The following FRMD5 variants were observed in gnomAD, a reference collection of about 807,000 sequenced individuals.
FRMD5 encodes the protein FERM domain containing 5.
A neutral mutation model predicts 69.0 loss-of-function variants in FRMD5; 20 were observed. That is an observed-to-expected ratio of 0.29 (90% CI 0.20 to 0.42). The LOEUF is 0.42. FRMD5 is among the 10% of genes least tolerant of loss of function. FRMD5 has a pLI of 1.00. For synonymous variants in FRMD5, 271 were observed against 260.1 expected (o/e 1.04, Z -0.40); for missense variants, 595 against 708.6 (o/e 0.84, Z 1.82).
chr15:44,120,271 C>T (rs1254074303), intron 1 of FRMD5, among the ~76,000 whole-genome samples: 1 of 152,148 alleles, frequency 6.6e-6, no homozygotes, highest in Non-Finnish European at 1.5e-5. Flanking sequence ...TAGGAAAGAA[C>T]TGTCTAGAGG....
At position 43,914,723 on chromosome 15, in the gene FRMD5, C is replaced by CTTTTTTT. The variant is rs533023960; in HGVS notation, c.329+4729_329+4735dup. Among the ~76,000 whole-genome samples, 669 of 109,342 alleles carry CTTTTTTT rather than the reference C, an allele frequency of 6.1e-3. 134 individuals are homozygous for CTTTTTTT. Among genetic ancestry groups the CTTTTTTT allele is most frequent in the African/African-American group, 0.033 (620 of 18,560 alleles). The allele number at this position is 109,342 out of a possible 152,430, so 71.7% of individuals were successfully genotyped here. A position where few individuals can be genotyped will look rare whatever the true frequency, so the allele number is the denominator to read the frequency against. The stretch of plus-strand genomic sequence containing the variant: ...CCCAGCAACTCTATGAGGTGACTAC[C>CTTTTTTT]TTTTTTTTTTTTTTTTTTTTTGAGA... On this transcript the variant is annotated intron_variant, in intron 4 of 13. Coordinates refer to ENST00000417257, the MANE Select transcript of FRMD5 (RefSeq NM_032892.5).
Position 44,143,734 on chromosome 15 carries a change from G to C in FRMD5, c.102+51219C>G, listed in dbSNP as rs201424282. Among the ~76,000 whole-genome samples, 11 of 151,362 alleles carry C rather than the reference G, an allele frequency of 7.3e-5. No homozygotes were observed. In the East Asian group the frequency reaches 2.1e-3, roughly 29 times the overall value. On this transcript the variant is annotated intron_variant, in intron 1 of 13. Transcript: ENST00000417257. ...AGGCCAGGAGATTGAGACCATCCTGGCTAACGCGGTGAAACCCCGTCTCCA... is the reference window on the plus strand; with the variant it reads ...AGGCCAGGAGATTGAGACCATCCTGCCTAACGCGGTGAAACCCCGTCTCCA...
chr15:44,056,049 C>T (rs1001243670), intron 1 of FRMD5, among the ~76,000 whole-genome samples: 3 of 152,202 alleles, frequency 2.0e-5, no homozygotes, highest in African/African-American at 7.2e-5. Flanking sequence ...ATATGATTCT[C>T]TCTCATCTTC....
intron 1 of FRMD5, among the ~76,000 whole-genome samples, chr15:43,977,484 C>A (rs1243446352): frequency 6.6e-6 from 1 of 152,100 alleles, no homozygotes; most frequent in Admixed American, 6.5e-5. Flanking sequence ...TGAGGTCATT[C>A]ATTGTTGCTA....
At chr15:43,983,759 G>C (rs1412601682) in intron 1 of FRMD5, among the ~76,000 whole-genome samples, 1 of 152,190 alleles carries the variant, frequency 6.6e-6, no homozygotes, top group Non-Finnish European at 1.5e-5. Context: ...TGAAGCAGGA[G>C]AGTACTAAGG....
intron 1 of FRMD5, among the ~76,000 whole-genome samples, chr15:44,109,859 AT>A (rs1045313597): frequency 7.9e-5 from 12 of 152,172 alleles, no homozygotes; most frequent in African/African-American, 2.9e-4. Context: ...TACTGTCTCA[AT>A]AGTTTTTCCT....
intron 1 of FRMD5, among the ~76,000 whole-genome samples, chr15:44,169,111 A>G (rs2077758162): frequency 6.6e-6 from 1 of 152,220 alleles, no homozygotes; most frequent in African/African-American, 2.4e-5. Context: ...TATGCATCTA[A>G]TAAAATACTT....
intron 1 of FRMD5, among the ~76,000 whole-genome samples, chr15:44,121,196 C>T (rs1388337309): frequency 7.4e-6 from 1 of 135,220 alleles, no homozygotes; most frequent in African/African-American, 2.7e-5. Flanking sequence ...TTAACAATGT[C>T]GAATAGTGCA....
chr15:43,944,268 T>C (rs547747835), intron 1 of FRMD5, among the ~76,000 whole-genome samples: 5 of 152,342 alleles, frequency 3.3e-5, no homozygotes, highest in African/African-American at 1.2e-4. Context: ...AGTGGGCTAA[T>C]GTGCTCGGCT....
chr15:43,988,143 C>T (rs754234641), intron 1 of FRMD5, among the ~76,000 whole-genome samples: 8 of 152,118 alleles, frequency 5.3e-5, no homozygotes, highest in Non-Finnish European at 1.0e-4. Context: ...GCTGTAAATA[C>T]AGATGAAGCT....
intron 1 of FRMD5, among the ~76,000 whole-genome samples, chr15:43,979,773 T>C (rs529400372): frequency 6.6e-6 from 1 of 152,220 alleles, no homozygotes; most frequent in African/African-American, 2.4e-5. Context: ...GTGCTTTACT[T>C]TTACCCACTG....
At chr15:43,953,259 A>G (rs2090064859) in intron 1 of FRMD5, among the ~76,000 whole-genome samples, 1 of 152,214 alleles carries the variant, frequency 6.6e-6, no homozygotes, top group Non-Finnish European at 1.5e-5. Context: ...GCAAAACTGC[A>G]CAGATTCTGC....
At chr15:44,043,437 A>G (rs77637044) in intron 1 of FRMD5, among the ~76,000 whole-genome samples, 2 of 152,180 alleles carry the variant, frequency 1.3e-5, no homozygotes, top group African/African-American at 4.8e-5. Context: ...TAACTTTCAT[A>G]TGGAACCAAA....
chr15:43,879,062 C>T lies in FRMD5; in HGVS notation c.1136-4600G>A, dbSNP rs149972918. Among the ~76,000 whole-genome samples, 10 of 151,516 alleles carry T rather than the reference C, an allele frequency of 6.6e-5. No individual in the cohort carries two copies. In the East Asian group the frequency reaches 1.9e-3, roughly 30 times the overall value. Reference sequence around the variant, plus strand: ...AAGTGATTCTCCCACCTCAGCCCTGCGAGTAGCTGGGATTACAGGCGCCCA... The same window carrying T: ...AAGTGATTCTCCCACCTCAGCCCTGTGAGTAGCTGGGATTACAGGCGCCCA... On this transcript the variant is annotated intron_variant, in intron 13 of 13. Transcript: ENST00000417257.
At chr15:44,006,177 G>A (rs1047122260) in intron 1 of FRMD5, among the ~76,000 whole-genome samples, 4 of 152,068 alleles carry the variant, frequency 2.6e-5, no homozygotes, top group African/African-American at 9.7e-5. Context: ...AAAAATCCCA[G>A]GATCTTTAAG....
intron 13 of FRMD5, among the ~76,000 whole-genome samples, chr15:43,881,142 T>C (rs1226740125): frequency 6.6e-6 from 1 of 152,158 alleles, no homozygotes; most frequent in Non-Finnish European, 1.5e-5. Flanking sequence ...TCCTCTCCTG[T>C]TTTACATCCT....
At chr15:44,066,688 G>A (rs974902733) in intron 1 of FRMD5, among the ~76,000 whole-genome samples, 3 of 152,184 alleles carry the variant, frequency 2.0e-5, no homozygotes, top group Non-Finnish European at 4.4e-5. Context: ...AGGCAGGAGA[G>A]TTAGGTGATA....
intron 1 of FRMD5, among the ~76,000 whole-genome samples, chr15:43,962,130 T>C (rs991288591): frequency 2.6e-5 from 4 of 152,210 alleles, no homozygotes; most frequent in East Asian, 3.8e-4. Flanking sequence ...TGTTTGCAGA[T>C]GACATGATTG....
intron 1 of FRMD5, among the ~76,000 whole-genome samples, chr15:44,002,766 G>A (rs1426021801): frequency 2.6e-5 from 4 of 152,086 alleles, no homozygotes; most frequent in African/African-American, 9.7e-5. Context: ...GGTGCGGCGC[G>A]GGGCTGTCTG....
Sources: gnomAD v4.1 joint callset for allele counts (sites outside exome capture counted in the v4.1 genomes callset) on GRCh38, gnomAD v4.1.1 for gene constraint, MANE v1.5 for transcripts, NCBI Gene and HGNC (gene_info 2026-07-23, HGNC 2026-07-21) for gene names.